Variants in PPP1R14D observed in about 807,000 individuals in gnomAD.
PPP1R14D encodes protein phosphatase 1 regulatory inhibitor subunit 14D.
Under a neutral mutation model 17.1 loss-of-function variants are expected in PPP1R14D, and 14 were observed. The observed-to-expected ratio is 0.82, with a 90% CI of 0.54 to 1.28. PPP1R14D has a LOEUF of 1.28. Ranked by LOEUF, PPP1R14D falls within the 50% of genes most tolerant of loss-of-function variation. PPP1R14D has a pLI of 0.00. For synonymous variants in PPP1R14D, 67 were observed against 66.1 expected, an observed-to-expected ratio of 1.01 and a Z score of -0.06; for missense variants, 173 against 179.2, an observed-to-expected ratio of 0.97 and a Z score of 0.20.
chr15:40,819,560 C>T (rs1233199986), intron 1 of PPP1R14D, among the ~76,000 whole-genome samples: 3 of 151,682 alleles, frequency 2.0e-5, no homozygotes, highest in East Asian at 1.9e-4. Flanking sequence ...AAAAAATTAC[C>T]GTTATTATGA....
rs1244638224 is a variant in PPP1R14D, at chr15:40,815,978, C to A, written c.356G>T (p.Cys119Phe). Residue 119 changes from cysteine (C) to phenylalanine (F), a missense_variant, in exon 3 of 4, where the codon TGC becomes TTC. Transcript: ENST00000299174. ...KTQLEAILGN[C>F]PRPTEAFISE... ...ATCCCTTACCTCTGTGGGGCGGGGG[C>A]AGTTCCCAAGAATGGCCTAGATAGG... is the stretch of plus-strand genomic sequence containing the variant. 1 of 1,613,966 alleles carries A rather than the reference C, an allele frequency of 6.2e-7. No homozygotes were observed. The highest frequency in any genetic ancestry group is 8.5e-7 in the Non-Finnish European group (1 of 1,180,008).
At chr15:40,827,766 A>G (rs1299908314) in intron 1 of PPP1R14D, among the ~76,000 whole-genome samples, 3 of 152,044 alleles carry the variant, frequency 2.0e-5, no homozygotes, top group African/African-American at 4.8e-5. Context: ...ACAAAAAAAA[A>G]TACAAAAAAA....
At position 40,816,089 on chromosome 15, in the gene PPP1R14D, C is replaced by A. The variant is rs1010415895; in HGVS notation, c.339+81G>T. Reference sequence around the variant, plus strand: ...AAGAATTCTCCCCTCTGGATTGGTTCTCTGCACTCCACCAAAGGAGGCAGA... The same window carrying A: ...AAGAATTCTCCCCTCTGGATTGGTTATCTGCACTCCACCAAAGGAGGCAGA... On this transcript the variant is annotated intron_variant, in intron 2 of 3. Coordinates refer to ENST00000299174, the MANE Select transcript of PPP1R14D (RefSeq NM_017726.8). The A allele has an allele frequency of 4.4e-6, 7 of 1,600,520 alleles. No homozygotes were observed. In the Admixed American group the frequency reaches 6.7e-5, roughly 15 times the overall value.
chr15:40,815,918 T>C (rs199642646), intron 3 of PPP1R14D, 44 bp downstream of exon 3: 10 of 1,583,930 alleles, frequency 6.3e-6, no homozygotes, highest in African/African-American at 4.1e-5. Flanking sequence ...ACCTCCCCCA[T>C]TGGGCCTCCT....
chr15:40,818,591 C>G (rs1890716976), intron 1 of PPP1R14D, among the ~76,000 whole-genome samples: 1 of 151,608 alleles, frequency 6.6e-6, no homozygotes, highest in African/African-American at 2.4e-5. Flanking sequence ...AAGTAGAGAC[C>G]CTGTCTCAAA....
intron 1 of PPP1R14D, among the ~76,000 whole-genome samples, chr15:40,825,855 CTGGGA>C (rs1232239757): frequency 2.6e-5 from 4 of 152,194 alleles, no homozygotes; most frequent in African/African-American, 4.8e-5. Context: ...CAGTCATTGC[CTGGGA>C]ACGCTCCTTC....
chr15:40,817,649 C>G (rs567536561), intron 1 of PPP1R14D, among the ~76,000 whole-genome samples: 95 of 141,930 alleles, frequency 6.7e-4, no homozygotes, highest in Non-Finnish European at 1.1e-3. Context: ...AAGTATTGCT[C>G]TGTCACCCAG....
At position 40,815,561 on chromosome 15, in the gene PPP1R14D, G is replaced by A; in HGVS notation, c.*135C>T. ...GAAACTAGCTGTGACCACACAGACA[G>A]TAGGAGTATGCAAATGTCCCTCCTT... On this transcript the variant is annotated 3_prime_UTR_variant, in exon 4 of 4. Transcript: ENST00000299174. The A allele has an allele frequency of 9.0e-7, 1 of 1,108,468 alleles. No homozygotes were observed. Among genetic ancestry groups the A allele is most frequent in the Non-Finnish European group, 1.3e-6 (1 of 777,516 alleles). The allele number at this position is 1,108,468 out of a possible 1,614,324, so 68.7% of individuals were successfully genotyped here.
At chr15:40,824,591 A>G (rs988079415) in intron 1 of PPP1R14D, among the ~76,000 whole-genome samples, 1 of 151,522 alleles carries the variant, frequency 6.6e-6, no homozygotes, top group African/African-American at 2.4e-5. Flanking sequence ...CTAATCTCGA[A>G]CTCTTGGACT....
At position 40,823,392 on chromosome 15, in the gene PPP1R14D, C is replaced by A. The variant is rs117196233; in HGVS notation, c.255+4995G>T. Among the ~76,000 whole-genome samples, 126 of 152,178 alleles carry A rather than the reference C, an allele frequency of 8.3e-4. 2 individuals are homozygous for A. In the East Asian group the frequency reaches 0.018, roughly 21 times the overall value. Reference sequence around the variant, plus strand: ...CAAGTGCTGGGATTACAGTTATGAGCCACTGTACCCAGCAGGAAAAAAAGA... The same window carrying A: ...CAAGTGCTGGGATTACAGTTATGAGACACTGTACCCAGCAGGAAAAAAAGA... On this transcript the variant is annotated intron_variant, in intron 1 of 3. Transcript: ENST00000299174.
At position 40,828,247 on chromosome 15, in the gene PPP1R14D, T is replaced by C. The variant is rs796526776; in HGVS notation, c.255+140A>G. On this transcript the variant is annotated intron_variant, in intron 1 of 3. Coordinates refer to ENST00000299174, the MANE Select transcript of PPP1R14D (RefSeq NM_017726.8). ...GGCAGACTTCTGGACTTCAAACCGATGCTTCTTTCTTTCATCAGTTACAAA... is the reference window on the plus strand; with the variant it reads ...GGCAGACTTCTGGACTTCAAACCGACGCTTCTTTCTTTCATCAGTTACAAA... The C allele has an allele frequency of 1.4e-5, 16 of 1,183,688 alleles. No individual in the cohort carries two copies. The African/African-American group carries it at 1.7e-4, about 12-fold the overall frequency. 73.3% of individuals were successfully genotyped at this position (1,183,688 alleles called of 1,614,324 possible).
At position 40,816,270 on chromosome 15, in the gene PPP1R14D, T is replaced by G. The variant is rs755733850; in HGVS notation, c.256-17A>C. The G allele has an allele frequency of 6.2e-7, 1 of 1,609,460 alleles. No individual in the cohort carries two copies. Among genetic ancestry groups the G allele is most frequent in the East Asian group, 2.2e-5 (1 of 44,870 alleles). Reference sequence around the variant, plus strand: ...TGCTTGATCCTATTTGGAAATCACATGGGTCTCAGAGGGGCCTGACCAGCT... The same window carrying G: ...TGCTTGATCCTATTTGGAAATCACAGGGGTCTCAGAGGGGCCTGACCAGCT... On this transcript the variant is annotated splice_polypyrimidine_tract_variant and intron_variant, in intron 1 of 3. Transcript: ENST00000299174.
chr15:40,816,729 A>G (rs964328824), intron 1 of PPP1R14D, among the ~76,000 whole-genome samples: 4 of 151,996 alleles, frequency 2.6e-5, no homozygotes, highest in African/African-American at 9.7e-5. Context: ...CAAAAAAAAT[A>G]AAAATAATAA....
rs922113525 is a variant in PPP1R14D, at chr15:40,828,651, G to T, written c.-10C>A. On this transcript the variant is annotated 5_prime_UTR_variant, in exon 1 of 4. Transcript: ENST00000299174. ...GGCTTGAAGACAGCATGGAAGTATT[G>T]GTCTGGGCAAGGAGCTGGGAAAAAC... 13 of 1,599,786 alleles carry T rather than the reference G, an allele frequency of 8.1e-6. No homozygotes were observed. The highest frequency in any genetic ancestry group is 1.1e-5 in the Non-Finnish European group (13 of 1,172,380).
intron 1 of PPP1R14D, among the ~76,000 whole-genome samples, chr15:40,820,689 G>A (rs1210377628): frequency 2.0e-5 from 3 of 148,920 alleles, no homozygotes; most frequent in Non-Finnish European, 3.0e-5. Flanking sequence ...GGTGAACCCC[G>A]TCTCTACTAA....
chr15:40,815,776 GGAGT>G lies in PPP1R14D; in HGVS notation c.373-19_373-16del. 6.3e-7 allele frequency: 1 copy of G among 1,598,830 alleles called. No individual in the cohort carries two copies. The highest frequency in any genetic ancestry group is 8.6e-7 in the Non-Finnish European group (1 of 1,169,452). ...GAGATAAAAGCCTGAGGGAGAAACAGGAGTGAGACCAGGCTTGGGGTCACAATTC... is the reference window on the plus strand; with the variant it reads ...GAGATAAAAGCCTGAGGGAGAAACAGGAGACCAGGCTTGGGGTCACAATTC... On this transcript the variant is annotated splice_polypyrimidine_tract_variant and intron_variant, in intron 3 of 3. Transcript: ENST00000299174.
intron 1 of PPP1R14D, among the ~76,000 whole-genome samples, chr15:40,826,657 A>G (rs1341301146): frequency 6.6e-6 from 1 of 152,140 alleles, no homozygotes; most frequent in African/African-American, 2.4e-5. Flanking sequence ...GTAAACCTCC[A>G]TTCCCTCAGC....
At chr15:40,823,229 G>A (rs1890812435) in intron 1 of PPP1R14D, among the ~76,000 whole-genome samples, 1 of 151,924 alleles carries the variant, frequency 6.6e-6, no homozygotes, top group Admixed American at 6.6e-5. Flanking sequence ...CTCTCAAAGT[G>A]CTGGGATTAC....
Position 40,828,481 on chromosome 15 carries a change from G to T in PPP1R14D, c.161C>A (p.Pro54His). The stretch of plus-strand genomic sequence containing the variant: ...GTCATACTTCACTGTCAGGCGGCTG[G>T]GTCTCCGGGACCTGGGTATCTTGGA... Reference protein sequence around the residue: ...DSSKIPRSRRPSRLTVKYDRG... With the variant: ...DSSKIPRSRRHSRLTVKYDRG... Residue 54 changes from proline (P) to histidine (H), a missense_variant, in exon 1 of 4, where the codon CCC becomes CAC. By Grantham distance (77) the Pro-to-His change is moderately conservative. Coordinates refer to ENST00000299174, the MANE Select transcript of PPP1R14D (RefSeq NM_017726.8). The T allele has an allele frequency of 6.2e-7, 1 of 1,614,174 alleles. No homozygotes were observed. The highest frequency in any genetic ancestry group is 1.3e-5 in the African/African-American group (1 of 75,040).
Sources: allele counts gnomAD v4.1 joint callset (sites outside exome capture counted in the v4.1 genomes callset), GRCh38; gene constraint gnomAD v4.1.1; transcripts MANE v1.5; gene names NCBI Gene and HGNC (gene_info 2026-07-23, HGNC 2026-07-21).